The following NRP2 variants were observed in gnomAD, a reference collection of about 807,000 sequenced individuals.
The protein encoded by NRP2 is neuropilin-2.
In NRP2, 52 loss-of-function variants were observed where a neutral mutation model predicts 110.4. That is an observed-to-expected ratio of 0.47 (90% CI 0.38 to 0.59). The LOEUF (loss-of-function observed/expected upper bound fraction) is 0.59, where lower values mean the gene tolerates loss of function less well. Among genes scored for constraint, NRP2 ranks in the 20% least tolerant of loss-of-function variants. The probability of loss-of-function intolerance (pLI) is 0.00; values close to 1 mark genes in which losing one functional copy is unlikely to be tolerated. For missense variants in NRP2, 1,049 were observed against 1,203.0 expected, an observed-to-expected ratio of 0.87 and a Z score of 1.89; for synonymous variants, 508 against 468.9, an observed-to-expected ratio of 1.08 and a Z score of -1.08.
At chr2:205,739,041 G>A (rs1183809524) in intron 7 of NRP2, among the ~76,000 whole-genome samples, 28 of 152,150 alleles carry the variant, frequency 1.8e-4, no homozygotes, top group Non-Finnish European at 2.9e-5. Context: ...AAAGGACTGT[G>A]TTGTCAATTG....
intron 2 of NRP2, among the ~76,000 whole-genome samples, chr2:205,704,301 G>T (rs1182168747): frequency 6.6e-6 from 1 of 152,208 alleles, no homozygotes; most frequent in African/African-American, 2.4e-5. Context: ...AGCCAACAAA[G>T]CATAGTGAGA....
chr2:205,790,105 G>T (rs1363309288), intron 15 of NRP2, among the ~76,000 whole-genome samples: 2 of 152,086 alleles, frequency 1.3e-5, no homozygotes, highest in African/African-American at 4.8e-5. Flanking sequence ...TATATAAAAA[G>T]CCAAGTCAAG....
intron 15 of NRP2, among the ~76,000 whole-genome samples, chr2:205,770,862 C>T (rs760127058): frequency 1.3e-5 from 2 of 152,072 alleles, no homozygotes; most frequent in African/African-American, 2.4e-5. Context: ...AACTGCTTGG[C>T]GGCCATCCTT....
chr2:205,716,320 G>T lies in NRP2; in HGVS notation c.379G>T (p.Asp127Tyr). The T allele has an allele frequency of 6.2e-7, 1 of 1,614,094 alleles. No homozygotes were observed. The highest frequency in any genetic ancestry group is 8.5e-7 in the Non-Finnish European group (1 of 1,180,022). ...CATGCTCTACATCAAGTTCACCTCC[G>T]ACTACGCCCGGCAGGGGGCAGGCTT... ...GSMLYIKFTS[D>Y]YARQGAGFSL... The change falls in exon 3 of 17, where the codon GAC (aspartate) becomes TAC (tyrosine). Residue 127 changes from aspartate (D) to tyrosine (Y), a missense_variant. Coordinates refer to ENST00000357785, the MANE Select transcript of NRP2 (RefSeq NM_003872.3).
chr2:205,762,418 C>T (rs1350962081), intron 12 of NRP2: 1 of 152,210 alleles, frequency 6.6e-6, no homozygotes, highest in Non-Finnish European at 1.5e-5. Flanking sequence ...GGATTAACAA[C>T]AGCAAAGCAG....
intron 15 of NRP2, among the ~76,000 whole-genome samples, chr2:205,790,457 G>A (rs187018399): frequency 1.3e-5 from 2 of 152,234 alleles, no homozygotes; most frequent in East Asian, 1.9e-4. Context: ...ATCCTTGGCA[G>A]AAACAAGATC....
chr2:205,764,010 G>C (rs1044560305), intron 13 of NRP2, 74 bp downstream of exon 13: 1 of 1,580,980 alleles, frequency 6.3e-7, no homozygotes, highest in Non-Finnish European at 8.6e-7. Flanking sequence ...CATCGTTAGG[G>C]AACGTGGTTA....
chr2:205,781,453 CT>C (rs1357494470), intron 15 of NRP2, among the ~76,000 whole-genome samples: 1 of 152,248 alleles, frequency 6.6e-6, no homozygotes, highest in Non-Finnish European at 1.5e-5. Context: ...CACTGCCCCC[CT>C]AGCTCAGATA....
chr2:205,746,256 G>A (rs971144455), intron 10 of NRP2, among the ~76,000 whole-genome samples: 1 of 152,180 alleles, frequency 6.6e-6, no homozygotes, highest in African/African-American at 2.4e-5. Context: ...TAAAGTAATC[G>A]GTTTATGTCT....
chr2:205,706,989 A>C (rs2056692251), intron 2 of NRP2, among the ~76,000 whole-genome samples: 1 of 152,208 alleles, frequency 6.6e-6, no homozygotes, highest in Non-Finnish European at 1.5e-5. Flanking sequence ...TCTGACTCAC[A>C]CAGCTCCCAT....
At chr2:205,740,455 C>T (rs1253508050) in intron 7 of NRP2, 64 bp from the exon 8 acceptor site, 32 of 1,581,828 alleles carry the variant, frequency 2.0e-5, no homozygotes, top group Middle Eastern at 1.7e-4. Flanking sequence ...CCTTCAAAGA[C>T]TGCTCAAGTG....
chr2:205,794,747 A>G lies in NRP2; in HGVS notation c.2477-7A>G. 1 of 1,614,132 alleles carries G rather than the reference A, an allele frequency of 6.2e-7. No homozygotes were observed. Among genetic ancestry groups the G allele is most frequent in the Non-Finnish European group, 8.5e-7 (1 of 1,180,002 alleles). On this transcript the variant is annotated splice_region_variant and splice_polypyrimidine_tract_variant and intron_variant, in intron 16 of 16. Coordinates refer to ENST00000357785, the MANE Select transcript of NRP2 (RefSeq NM_003872.3). ...CTGCAATCTCTCATGAATTTTATGT[A>G]TCGCAGATGAATACGAGGTGGACTG... is the stretch of plus-strand genomic sequence containing the variant.
In NRP2 at chr2:205,686,216, TG is replaced by T. The variant is rs2056157972; in HGVS notation, c.73+2854del. On this transcript the variant is annotated intron_variant, in intron 1 of 16. Coordinates refer to ENST00000357785, the MANE Select transcript of NRP2 (RefSeq NM_003872.3). The surrounding 1 kb of genome is among the most constrained non-coding windows in gnomAD (Gnocchi z 4.7). ...GCCGCCTCCAACTACTCCATGCTTG[TG>T]CCCTCCTCCTCCTCCTCCTCCTAAG... is the stretch of plus-strand genomic sequence containing the variant. 6.6e-6 allele frequency among the ~76,000 whole-genome samples: 1 copy of T among 151,488 alleles called. No individual in the cohort carries two copies. The highest frequency in any genetic ancestry group is 1.9e-4 in the East Asian group (1 of 5,170).
At chr2:205,770,085 C>A (rs1254049166) in intron 15 of NRP2, among the ~76,000 whole-genome samples, 8 of 152,102 alleles carry the variant, frequency 5.3e-5, no homozygotes, top group African/African-American at 1.9e-4. Flanking sequence ...TGGTGCCCTA[C>A]CTGTTAGAGA....
chr2:205,730,574 C>G (rs538546495), intron 7 of NRP2, among the ~76,000 whole-genome samples: 64 of 152,232 alleles, frequency 4.2e-4, no homozygotes, highest in Admixed American at 1.1e-3. Context: ...CTGCTCTGCT[C>G]TGCTCAGAGC....
intron 12 of NRP2, among the ~76,000 whole-genome samples, chr2:205,755,397 G>A (rs534639242): frequency 1.8e-4 from 27 of 152,274 alleles, no homozygotes; most frequent in Non-Finnish European, 2.9e-4. Context: ...GAGGAATCCC[G>A]AAGTTTGGGA....
chr2:205,726,037 C>T lies in NRP2; in HGVS notation c.945C>T (p.Asp315=). The T allele has an allele frequency of 6.2e-7, 1 of 1,614,206 alleles. No homozygotes were observed. The highest frequency in any genetic ancestry group is 2.2e-5 in the East Asian group (1 of 44,880). Residue 315 remains aspartate (D), a synonymous_variant, in exon 6 of 17, where the codon GAC becomes GAT. Coordinates refer to ENST00000357785, the MANE Select transcript of NRP2 (RefSeq NM_003872.3). Reference sequence around the variant, plus strand: ...AACAAAGCCGGCTCCATGGTGATGACAATGGCTGGACCCCCAACTTGGATT... The same window carrying T: ...AACAAAGCCGGCTCCATGGTGATGATAATGGCTGGACCCCCAACTTGGATT... ...TPQQSRLHGD[D]NGWTPNLDSN...
chr2:205,748,219 G>A (rs1190813663), intron 10 of NRP2, among the ~76,000 whole-genome samples: 1 of 152,146 alleles, frequency 6.6e-6, no homozygotes, highest in Admixed American at 6.5e-5. Flanking sequence ...ACGTGGCTAT[G>A]TTTGCTTTTC....
intron 2 of NRP2, among the ~76,000 whole-genome samples, chr2:205,709,086 T>C (rs1052675679): frequency 6.6e-5 from 10 of 152,370 alleles, no homozygotes; most frequent in African/African-American, 2.4e-4. Flanking sequence ...TTGAGCACCT[T>C]GCTATCTAAG....
Sources: gnomAD v4.1 joint callset for allele counts (sites outside exome capture counted in the v4.1 genomes callset) on GRCh38, gnomAD v4.1.1 for gene constraint, Gnocchi (gnomAD v3.1) non-coding constraint, MANE v1.5 for transcripts, NCBI Gene and HGNC (gene_info 2026-07-23, HGNC 2026-07-21) for gene names.